The following PTPRD variants were observed in gnomAD, a reference collection of about 807,000 sequenced individuals.
PTPRD encodes receptor-type tyrosine-protein phosphatase delta.
Under a neutral mutation model 214.5 loss-of-function variants are expected in PTPRD, and 34 were observed. The observed-to-expected ratio is 0.16, with a 90% CI of 0.12 to 0.21. PTPRD has a LOEUF of 0.21. PTPRD is among the 10% of genes least tolerant of loss of function. PTPRD has a pLI of 1.00. For synonymous variants in PTPRD, 1,128 were observed against 845.7 expected, an observed-to-expected ratio of 1.33 and a Z score of -5.79; for missense variants, 2,545 against 2,398.7, an observed-to-expected ratio of 1.06 and a Z score of -1.27.
intron 8 of PTPRD, among the ~76,000 whole-genome samples, chr9:9,540,513 A>C (rs1451399724): frequency 6.6e-6 from 1 of 151,818 alleles, no homozygotes; most frequent in Non-Finnish European, 1.5e-5. Context: ...TACCTAGCAC[A>C]GGTTGAAACA....
intron 9 of PTPRD, among the ~76,000 whole-genome samples, chr9:9,304,859 C>T (rs2135099217): frequency 6.6e-6 from 1 of 150,456 alleles, no homozygotes; most frequent in Non-Finnish European, 1.5e-5. Flanking sequence ...GTCCTTGCAT[C>T]CAAGGCCCTT....
chr9:8,785,607 CA>C (rs1387200299), intron 11 of PTPRD, among the ~76,000 whole-genome samples: 1 of 152,174 alleles, frequency 6.6e-6, no homozygotes, highest in Non-Finnish European at 1.5e-5. Context: ...ACTCCTCAGT[CA>C]AAGCCATGTC....
chr9:8,716,770 T>C (rs377559207), intron 12 of PTPRD, among the ~76,000 whole-genome samples: 2 of 152,166 alleles, frequency 1.3e-5, no homozygotes, highest in African/African-American at 2.4e-5. Context: ...TTCGAAACAG[T>C]TGAACTGGCC....
intron 5 of PTPRD, among the ~76,000 whole-genome samples, chr9:9,872,074 C>G (rs930373523): frequency 1.8e-4 from 27 of 152,106 alleles, no homozygotes; most frequent in African/African-American, 6.5e-4. Flanking sequence ...GTCATGATGG[C>G]TCCCCTCTAT....
chr9:8,340,479 A>G lies in PTPRD; in HGVS notation c.5127-10T>C, dbSNP rs1258466233. On this transcript the variant is annotated splice_polypyrimidine_tract_variant and intron_variant, in intron 41 of 45. Transcript: ENST00000381196. ...GTAGGCTTTCTGTTGTCTGAATTAC[A>G]GAGAATGAAAAGAATGTGTTAAAGT... is the stretch of plus-strand genomic sequence containing the variant. 6.4e-7 allele frequency: 1 copy of G among 1,567,842 alleles called. No homozygotes were observed. Among genetic ancestry groups the G allele is most frequent in the Non-Finnish European group, 8.7e-7 (1 of 1,146,998 alleles).
At chr9:10,034,524 G>T (rs1045811135) in intron 3 of PTPRD, among the ~76,000 whole-genome samples, 1 of 150,570 alleles carries the variant, frequency 6.6e-6, no homozygotes, top group Non-Finnish European at 1.5e-5. Flanking sequence ...CATTACCGGG[G>T]TATTAAGCCT....
At chr9:10,153,378 TCTTG>T (rs2099073714) in intron 3 of PTPRD, among the ~76,000 whole-genome samples, 1 of 151,556 alleles carries the variant, frequency 6.6e-6, no homozygotes, top group African/African-American at 2.4e-5. Flanking sequence ...ATTTTGTGGG[TCTTG>T]CTTTTCATAT....
intron 2 of PTPRD, among the ~76,000 whole-genome samples, chr9:10,349,576 T>A (rs1457466145): frequency 1.3e-5 from 2 of 152,112 alleles, no homozygotes; most frequent in Non-Finnish European, 2.9e-5. Context: ...TTTTTTAGAG[T>A]GTCATTTGAA....
rs1567098560 is a variant in PTPRD at position 8,934,456 on chromosome 9, T to TAA, written c.-104+84240_-104+84241insTT. Among the ~76,000 whole-genome samples, 39 of 31,938 alleles carry TAA rather than the reference T, an allele frequency of 1.2e-3. 1 individual carries two copies. The highest frequency in any genetic ancestry group is 3.8e-3 in the South Asian group (3 of 786). The allele number at this position is 31,938 out of a possible 152,430, so 21.0% of individuals were successfully genotyped here. ...ATATAAATATATATATAAATTTATATATATATAAATATATATATATAAATA... is the reference window on the plus strand; with the variant it reads ...ATATAAATATATATATAAATTTATATAAATATATAAATATATATATATAAATA... On this transcript the variant is annotated intron_variant, in intron 11 of 45. Coordinates refer to ENST00000381196, the MANE Select transcript of PTPRD (RefSeq NM_002839.4).
At chr9:8,503,832 T>C (rs978249156) in intron 23 of PTPRD, among the ~76,000 whole-genome samples, 5 of 152,250 alleles carry the variant, frequency 3.3e-5, no homozygotes, top group East Asian at 1.9e-4. Flanking sequence ...ACTTGTTTGA[T>C]TGCAAAGCTA....
rs1026636144 is a variant in PTPRD at position 9,407,589 on chromosome 9, C to G, written c.-236-10107G>C. ...AATCTATTTTTTTGAAATTGTTATA[C>G]CATAGTGATTTAGAATATAGAGTCA... On this transcript the variant is annotated intron_variant, in intron 8 of 45. Coordinates refer to ENST00000381196, the MANE Select transcript of PTPRD (RefSeq NM_002839.4). Among the ~76,000 whole-genome samples, 7 of 151,592 alleles carry G rather than the reference C, an allele frequency of 4.6e-5. No homozygotes were observed. In the East Asian group the frequency reaches 1.2e-3, roughly 25 times the overall value.
chr9:10,332,257 T>C (rs920380295), intron 3 of PTPRD, among the ~76,000 whole-genome samples: 2 of 151,846 alleles, frequency 1.3e-5, no homozygotes, highest in African/African-American at 2.4e-5. Flanking sequence ...CCATGAGAGA[T>C]GTCAGGAGTC....
At chr9:9,088,793 G>A (rs1178686381) in intron 10 of PTPRD, among the ~76,000 whole-genome samples, 1 of 152,000 alleles carries the variant, frequency 6.6e-6, no homozygotes, top group African/African-American at 2.4e-5. Flanking sequence ...GTGAGCTCTG[G>A]AGTCAGTGTC....
chr9:9,590,564 G>A (rs891012414), intron 7 of PTPRD, among the ~76,000 whole-genome samples: 4 of 151,682 alleles, frequency 2.6e-5, no homozygotes, highest in African/African-American at 9.7e-5. Flanking sequence ...TAACAATTCA[G>A]AAATATTAAA....
intron 14 of PTPRD, among the ~76,000 whole-genome samples, chr9:8,577,147 CTG>C (rs2092492694): frequency 6.6e-6 from 1 of 152,212 alleles, no homozygotes; most frequent in African/African-American, 2.4e-5. Flanking sequence ...ACTCCAGAAT[CTG>C]AGCTAAATTA....
At chr9:9,959,328 G>C (rs1048453414) in intron 4 of PTPRD, among the ~76,000 whole-genome samples, 1 of 152,082 alleles carries the variant, frequency 6.6e-6, no homozygotes, top group African/African-American at 2.4e-5. Flanking sequence ...GTTGTTTCCA[G>C]AGCCTCGAGA....
chr9:9,754,677 A>G (rs911215916), intron 6 of PTPRD, among the ~76,000 whole-genome samples: 1 of 152,100 alleles, frequency 6.6e-6, no homozygotes, highest in African/African-American at 2.4e-5. Context: ...ATCACAAAGT[A>G]TAATTGGAAG....
intron 11 of PTPRD, among the ~76,000 whole-genome samples, chr9:8,759,524 A>AT (rs1464468452): frequency 2.6e-5 from 4 of 151,118 alleles, no homozygotes; most frequent in African/African-American, 9.8e-5. Context: ...TTACATAATA[A>AT]TTTTTCAAAT....
rs140451500 is a variant in PTPRD, at chr9:8,888,175, C to A, written c.-104+130522G>T. Among the ~76,000 whole-genome samples, 878 of 152,284 alleles carry A rather than the reference C, an allele frequency of 5.8e-3. 4 individuals carry two copies. Among genetic ancestry groups the A allele is most frequent in the Middle Eastern group, 0.017 (5 of 292 alleles). ...ACAAAATGACAAGCATACAATGGAA[C>A]TTACAAGTGAGATCATCTTACTTCT... On this transcript the variant is annotated intron_variant, in intron 11 of 45. Coordinates refer to ENST00000381196, the MANE Select transcript of PTPRD (RefSeq NM_002839.4).
Sources: allele counts gnomAD v4.1 joint callset (sites outside exome capture counted in the v4.1 genomes callset), GRCh38; gene constraint gnomAD v4.1.1; transcripts MANE v1.5; gene names NCBI Gene and HGNC (gene_info 2026-07-23, HGNC 2026-07-21).